NCAM1: variants seen among roughly 807,000 people sequenced by gnomAD.
The protein encoded by NCAM1 is antigen recognized by monoclonal antibody 5.1H11.
A neutral mutation model predicts 109.8 loss-of-function variants in NCAM1; 14 were observed. That is an observed-to-expected ratio of 0.13 (90% CI 0.08 to 0.20). The LOEUF is 0.20. NCAM1 is among the 10% of genes least tolerant of loss of function. The pLI is 1.00. For synonymous variants in NCAM1, 418 were observed against 442.9 expected (o/e 0.94, Z 0.70); for missense variants, 774 against 1,109.9 (o/e 0.70, Z 4.30).
At chr11:113,236,769 T>C (rs1945180837) in intron 14 of NCAM1, among the ~76,000 whole-genome samples, 1 of 152,218 alleles carries the variant, frequency 6.6e-6, no homozygotes, top group South Asian at 2.1e-4. Context: ...ATTTTCATAT[T>C]TGCTTTTAGG....
At chr11:113,055,978 G>GATTGAT (rs1953684035) in intron 1 of NCAM1, among the ~76,000 whole-genome samples, 1 of 60,032 alleles carries the variant, frequency 1.7e-5, no homozygotes, top group Non-Finnish European at 3.3e-5. Context: ...AAGAAAATGT[G>GATTGAT]ATATATATAT....
intron 1 of NCAM1, among the ~76,000 whole-genome samples, chr11:113,072,168 C>T (rs1167322724): frequency 6.6e-6 from 1 of 152,068 alleles, no homozygotes; most frequent in Non-Finnish European, 1.5e-5. Context: ...GATAATTGGT[C>T]ATTAATAACT....
intron 1 of NCAM1, among the ~76,000 whole-genome samples, chr11:113,105,017 G>A (rs1748190960): frequency 1.3e-5 from 2 of 152,204 alleles, no homozygotes; most frequent in South Asian, 2.1e-4. Flanking sequence ...AACCTGATTT[G>A]CCTATTGATC....
chr11:113,181,232 C>T (rs1266823753), intron 1 of NCAM1, among the ~76,000 whole-genome samples: 1 of 152,118 alleles, frequency 6.6e-6, no homozygotes, highest in African/African-American at 2.4e-5. Context: ...GGCAGCCTCT[C>T]GGGCCCTGCC....
At chr11:113,105,830 C>A (rs528999635) in intron 1 of NCAM1, among the ~76,000 whole-genome samples, 1 of 152,064 alleles carries the variant, frequency 6.6e-6, no homozygotes, top group Non-Finnish European at 1.5e-5. Context: ...AAATTAGTGG[C>A]GCTGGTTGCC....
chr11:113,043,511 AT>A (rs1490948420), intron 1 of NCAM1, among the ~76,000 whole-genome samples: 1 of 151,818 alleles, frequency 6.6e-6, no homozygotes. Context: ...TAATTTTTGT[AT>A]TTTTAGTAGA....
At chr11:113,242,751 C>G in intron 14 of NCAM1, 2 of 1,502,130 alleles carry the variant, frequency 1.3e-6, no homozygotes, top group Non-Finnish European at 1.9e-6. Flanking sequence ...TTTAATTTAT[C>G]TCCATTCTCT....
rs200603322 is a variant in NCAM1, at chr11:113,233,114, T to C, written c.1523-33T>C. 68 of 1,598,494 alleles carry C rather than the reference T, an allele frequency of 4.3e-5. No homozygotes were observed. The highest frequency in any genetic ancestry group is 3.7e-4 in the Admixed American group (22 of 58,754). ...TTAATGGTCTTGGGCCAAACTGGGC[T>C]CACCTGAGTCTCCATATGTGTCTTC... On this transcript the variant is annotated intron_variant, in intron 12 of 19. Transcript: ENST00000316851. This position sits in a 1 kb window ranked among gnomAD's most constrained non-coding sequence, Gnocchi z 4.5.
At chr11:113,177,497 G>T (rs528147651) in intron 1 of NCAM1, among the ~76,000 whole-genome samples, 1 of 152,180 alleles carries the variant, frequency 6.6e-6, no homozygotes, top group African/African-American at 2.4e-5. Flanking sequence ...GCAGTGGCAC[G>T]ACCTCAGCTC....
intron 1 of NCAM1, among the ~76,000 whole-genome samples, chr11:113,181,339 G>C (rs1465614041): frequency 6.6e-6 from 1 of 152,182 alleles, no homozygotes; most frequent in African/African-American, 2.4e-5. Context: ...GGCCTTGACA[G>C]GTGCAGGTTC....
intron 1 of NCAM1, among the ~76,000 whole-genome samples, chr11:113,045,916 A>G (rs1189772850): frequency 6.6e-6 from 1 of 152,142 alleles, no homozygotes; most frequent in African/African-American, 2.4e-5. Context: ...AAATGTTAGA[A>G]ATTTTGTCAT....
intron 1 of NCAM1, among the ~76,000 whole-genome samples, chr11:113,034,310 CT>C (rs1348539016): frequency 2.6e-5 from 4 of 151,944 alleles, no homozygotes; most frequent in Non-Finnish European, 5.9e-5. Flanking sequence ...CCTTTAGGGG[CT>C]GTGAACTTGG....
At chr11:113,228,823 G>A (rs1417297698) in intron 9 of NCAM1, among the ~76,000 whole-genome samples, 5 of 152,160 alleles carry the variant, frequency 3.3e-5, no homozygotes, top group Non-Finnish European at 7.3e-5. Flanking sequence ...ACAAAAACAA[G>A]CAATGGGGAA....
At chr11:113,067,611 A>G (rs923049732) in intron 1 of NCAM1, among the ~76,000 whole-genome samples, 14 of 152,248 alleles carry the variant, frequency 9.2e-5, no homozygotes, top group African/African-American at 3.4e-4. Flanking sequence ...TTGTGATGCA[A>G]CTAGCTCACT....
At chr11:113,237,099 C>A (rs782464480) in intron 14 of NCAM1, among the ~76,000 whole-genome samples, 29 of 152,166 alleles carry the variant, frequency 1.9e-4, no homozygotes, top group Non-Finnish European at 3.5e-4. Context: ...TGGAAGGACA[C>A]CCTTCATCAT....
intron 14 of NCAM1, among the ~76,000 whole-genome samples, chr11:113,239,081 G>A (rs1945253743): frequency 6.6e-6 from 1 of 152,192 alleles, no homozygotes; most frequent in African/African-American, 2.4e-5. Context: ...GCTAGTAAAA[G>A]CCACAAACAC....
intron 1 of NCAM1, among the ~76,000 whole-genome samples, chr11:113,054,594 C>T (rs1953622018): frequency 6.6e-6 from 1 of 152,200 alleles, no homozygotes; most frequent in African/African-American, 2.4e-5. Flanking sequence ...TTCCCCGATA[C>T]AGAACTAAAG....
chr11:113,235,774 T>G (rs991937946), intron 14 of NCAM1, among the ~76,000 whole-genome samples: 12 of 152,166 alleles, frequency 7.9e-5, no homozygotes, highest in African/African-American at 2.9e-4. Context: ...TCCCCCTGAT[T>G]CCACTCAGGG....
chr11:113,047,662 G>A (rs1294120868), intron 1 of NCAM1, among the ~76,000 whole-genome samples: 2 of 152,132 alleles, frequency 1.3e-5, no homozygotes, highest in Non-Finnish European at 2.9e-5. Context: ...ATTTAGAAAG[G>A]AAAGAGGTTT....
Sources: gnomAD v4.1 joint callset for allele counts (sites outside exome capture counted in the v4.1 genomes callset) on GRCh38, gnomAD v4.1.1 for gene constraint, Gnocchi (gnomAD v3.1) non-coding constraint, MANE v1.5 for transcripts, NCBI Gene and HGNC (gene_info 2026-07-23, HGNC 2026-07-21) for gene names.